Variants in IGF2BP3 observed in about 807,000 individuals in gnomAD.
IGF2BP3 encodes the protein insulin-like growth factor 2 mRNA-binding protein 3.
IGF2BP3 carries 9 observed loss-of-function variants against 73.8 expected under a neutral mutation model. The ratio of observed to expected loss-of-function variants is 0.12; its 90% CI spans 0.07 to 0.21. IGF2BP3 has a LOEUF of 0.21. IGF2BP3 is among the 10% of genes least tolerant of loss of function. The pLI, the probability that IGF2BP3 is intolerant of heterozygous loss-of-function variation, is 1.00. For missense variants in IGF2BP3, 542 were observed against 714.0 expected, an observed-to-expected ratio of 0.76 and a Z score of 2.75; for synonymous variants, 258 against 256.7, an observed-to-expected ratio of 1.01 and a Z score of -0.05.
In IGF2BP3 at chr7:23,351,525, G is replaced by A; in HGVS notation, c.463C>T (p.Pro155Ser). ...ENFTLKVAYI[P>S]DEMAAQQNPL... ...TTTTGCTGGGCGGCCATTTCATCAGGGATATAGGCTACTTTCAAGGTGAAA... is the reference window on the plus strand; with the variant it reads ...TTTTGCTGGGCGGCCATTTCATCAGAGATATAGGCTACTTTCAAGGTGAAA... The change falls in exon 6 of 15, where the codon CCT becomes TCT. Residue 155 changes from proline (P) to serine (S), a missense_variant. Physicochemically the swap from Pro to Ser is moderately conservative, Grantham distance 74. This residue lies in a region of IGF2BP3 where 239 missense variants were observed against 241.9 expected (regional missense o/e 0.99). Transcript: ENST00000258729. 1 of 1,614,014 alleles carries A rather than the reference G, an allele frequency of 6.2e-7. No individual in the cohort carries two copies. The highest frequency in any genetic ancestry group is 8.5e-7 in the Non-Finnish European group (1 of 1,180,012).
chr7:23,466,320 G>A (rs2128552763), intron 2 of IGF2BP3, among the ~76,000 whole-genome samples: 1 of 152,300 alleles, frequency 6.6e-6, no homozygotes, highest in Admixed American at 6.5e-5. Flanking sequence ...ACTGCGCCCA[G>A]CCAAAGGCTC....
At chr7:23,360,581 T>C (rs1399317137) in intron 5 of IGF2BP3, among the ~76,000 whole-genome samples, 1 of 152,244 alleles carries the variant, frequency 6.6e-6, no homozygotes, top group Non-Finnish European at 1.5e-5. Flanking sequence ...TAAAGTTCCA[T>C]TTACCTTATA....
intron 3 of IGF2BP3, among the ~76,000 whole-genome samples, chr7:23,374,024 T>C (rs1284516459): frequency 6.6e-6 from 1 of 152,226 alleles, no homozygotes. Flanking sequence ...GCCATGCTGG[T>C]ATAGCCTGAG....
chr7:23,317,187 A>T (rs1013427219), intron 12 of IGF2BP3, among the ~76,000 whole-genome samples: 1 of 152,182 alleles, frequency 6.6e-6, no homozygotes, highest in Non-Finnish European at 1.5e-5. Context: ...TGCCATTCCT[A>T]TCTCTAAGAT....
intron 3 of IGF2BP3, among the ~76,000 whole-genome samples, chr7:23,388,042 G>T (rs566103021): frequency 6.6e-6 from 1 of 152,150 alleles, no homozygotes; most frequent in South Asian, 2.1e-4. Flanking sequence ...CCGGGTTCAC[G>T]CCATTCTCCT....
intron 3 of IGF2BP3, among the ~76,000 whole-genome samples, chr7:23,387,098 A>C (rs1241681411): frequency 1.3e-5 from 2 of 151,512 alleles, no homozygotes; most frequent in African/African-American, 2.4e-5. Context: ...AAGAAAAAGG[A>C]AGGAAGGAAG....
At chr7:23,452,373 A>C (rs1304327353) in intron 2 of IGF2BP3, among the ~76,000 whole-genome samples, 1 of 152,226 alleles carries the variant, frequency 6.6e-6, no homozygotes, top group Non-Finnish European at 1.5e-5. Context: ...AACAATATGG[A>C]AAAAACACAT....
At chr7:23,457,493 A>C (rs1435400222) in intron 2 of IGF2BP3, among the ~76,000 whole-genome samples, 1 of 152,188 alleles carries the variant, frequency 6.6e-6, no homozygotes, top group East Asian at 1.9e-4. Flanking sequence ...TAAACTTCTC[A>C]ACAAGAAGTC....
At chr7:23,388,851 A>AGC (rs1245342401) in intron 3 of IGF2BP3, among the ~76,000 whole-genome samples, 6 of 152,210 alleles carry the variant, frequency 3.9e-5, no homozygotes, top group African/African-American at 1.4e-4. Flanking sequence ...AAATGTTCAT[A>AGC]GCACCTTTAC....
chr7:23,374,943 G>A (rs895987707), intron 3 of IGF2BP3, among the ~76,000 whole-genome samples: 5 of 152,020 alleles, frequency 3.3e-5, no homozygotes, highest in African/African-American at 9.7e-5. Context: ...GGCTTCAGCC[G>A]GTCCCCCCGT....
chr7:23,438,786 GTTAAA>G (rs1482036038), intron 2 of IGF2BP3, among the ~76,000 whole-genome samples: 3 of 151,832 alleles, frequency 2.0e-5, no homozygotes, highest in Non-Finnish European at 4.4e-5. Context: ...CACACTTCCA[GTTAAA>G]TTACTTTCTC....
At chr7:23,433,058 A>G (rs1584039330) in intron 2 of IGF2BP3, among the ~76,000 whole-genome samples, 1 of 152,360 alleles carries the variant, frequency 6.6e-6, no homozygotes, top group African/African-American at 2.4e-5. Context: ...AGCTCTTTCA[A>G]AAGTCTTAAT....
At chr7:23,443,322 T>C (rs1787981063) in intron 2 of IGF2BP3, among the ~76,000 whole-genome samples, 1 of 151,900 alleles carries the variant, frequency 6.6e-6, no homozygotes, top group Non-Finnish European at 1.5e-5. Flanking sequence ...ACAGGGTTTC[T>C]TCATGTTGAT....
At chr7:23,411,096 A>C (rs138098176) in intron 3 of IGF2BP3, among the ~76,000 whole-genome samples, 1 of 152,324 alleles carries the variant, frequency 6.6e-6, no homozygotes, top group East Asian at 1.9e-4. Flanking sequence ...TCTGCTATTT[A>C]TTTAGAACTC....
At chr7:23,423,647 T>C (rs991340738) in intron 2 of IGF2BP3, among the ~76,000 whole-genome samples, 1 of 152,142 alleles carries the variant, frequency 6.6e-6, no homozygotes, top group Non-Finnish European at 1.5e-5. Flanking sequence ...GTTAAAATGT[T>C]ACACTATATG....
intron 10 of IGF2BP3, among the ~76,000 whole-genome samples, chr7:23,328,849 AAGACAGACAT>A (rs1220886770): frequency 3.9e-5 from 6 of 152,184 alleles, no homozygotes; most frequent in African/African-American, 1.4e-4. Flanking sequence ...GCCCAGTGAA[AAGACAGACAT>A]GGAAAACCAG....
In IGF2BP3 at chr7:23,449,466, G is replaced by A. The variant is rs554343826; in HGVS notation, c.236+19016C>T. Among the ~76,000 whole-genome samples, 9 of 151,756 alleles carry A rather than the reference G, an allele frequency of 5.9e-5. No homozygotes were observed. In the South Asian group the frequency reaches 6.3e-4, roughly 11 times the overall value. ...CGGGAGGCAGAGCTTGCAGTGAGCC[G>A]AGATAGCGCCACTGCACTCCAGCCT... On this transcript the variant is annotated intron_variant, in intron 2 of 14. Coordinates refer to ENST00000258729, the MANE Select transcript of IGF2BP3 (RefSeq NM_006547.3).
intron 10 of IGF2BP3, among the ~76,000 whole-genome samples, chr7:23,332,714 T>A (rs1390351558): frequency 6.6e-6 from 1 of 152,262 alleles, no homozygotes; most frequent in East Asian, 1.9e-4. Flanking sequence ...AATTACCATG[T>A]GTCATTTATC....
chr7:23,449,794 CTCAAGTGA>C (rs1357386088), intron 2 of IGF2BP3, among the ~76,000 whole-genome samples: 1 of 151,894 alleles, frequency 6.6e-6, no homozygotes, highest in African/African-American at 2.4e-5. Context: ...AACTCCCGAC[CTCAAGTGA>C]TCCATGTGGC....
Sources: gnomAD v4.1 joint callset for allele counts (sites outside exome capture counted in the v4.1 genomes callset) on GRCh38, gnomAD v4.1.1 for gene constraint, gnomAD v4.1.1 regional missense constraint, MANE v1.5 for transcripts, NCBI Gene and HGNC (gene_info 2026-07-23, HGNC 2026-07-21) for gene names.